The following NCAM2 variants were observed in gnomAD, a reference collection of about 807,000 sequenced individuals.
The protein encoded by NCAM2 is N-CAM-2.
A neutral mutation model predicts 98.1 loss-of-function variants in NCAM2; 30 were observed. The ratio of observed to expected loss-of-function variants is 0.31; its 90% CI spans 0.23 to 0.41. The LOEUF (loss-of-function observed/expected upper bound fraction) is 0.41. Among genes scored for constraint, NCAM2 ranks in the 10% least tolerant of loss-of-function variants. The pLI, the probability that NCAM2 is intolerant of heterozygous loss-of-function variation, is 1.00. For missense variants in NCAM2, 867 were observed against 1,005.8 expected, an observed-to-expected ratio of 0.86 and a Z score of 1.87; for synonymous variants, 368 against 342.4, an observed-to-expected ratio of 1.07 and a Z score of -0.83.
chr21:21,179,598 C>T (rs1442521018), intron 1 of NCAM2, among the ~76,000 whole-genome samples: 1 of 152,132 alleles, frequency 6.6e-6, no homozygotes, highest in Non-Finnish European at 1.5e-5. Context: ...AAGTCATCCT[C>T]GTAGTGTCAG....
At chr21:21,456,383 T>C (rs1425927979) in intron 12 of NCAM2, among the ~76,000 whole-genome samples, 2 of 152,108 alleles carry the variant, frequency 1.3e-5, no homozygotes, top group Non-Finnish European at 2.9e-5. Flanking sequence ...TTAGTGTGAT[T>C]ACAATTTGCT....
intron 1 of NCAM2, among the ~76,000 whole-genome samples, chr21:21,184,340 A>C (rs1290318289): frequency 6.6e-6 from 1 of 152,062 alleles, no homozygotes. Context: ...GAAAAAAGTA[A>C]TCTTTTTATG....
chr21:21,061,553 A>C (rs1176916208), intron 1 of NCAM2, among the ~76,000 whole-genome samples: 3 of 152,144 alleles, frequency 2.0e-5, no homozygotes, highest in Non-Finnish European at 2.9e-5. Context: ...ATATTTAATT[A>C]ATCTGTTCAG....
chr21:21,426,629 C>G (rs1250905410), intron 11 of NCAM2, among the ~76,000 whole-genome samples: 5 of 152,150 alleles, frequency 3.3e-5, no homozygotes, highest in Non-Finnish European at 7.3e-5. Flanking sequence ...AGCTAATAAT[C>G]ACAGCCACAC....
At chr21:21,397,160 G>A (rs1313982271) in intron 9 of NCAM2, among the ~76,000 whole-genome samples, 2 of 152,164 alleles carry the variant, frequency 1.3e-5, no homozygotes, top group African/African-American at 4.8e-5. Context: ...TATGGGCTCA[G>A]AGGGAGGAAG....
chr21:21,502,384 CTT>C (rs1172365848), intron 15 of NCAM2, among the ~76,000 whole-genome samples: 3 of 151,852 alleles, frequency 2.0e-5, no homozygotes, highest in Non-Finnish European at 4.4e-5. Flanking sequence ...ATATTCTTAA[CTT>C]AATTTCACTT....
chr21:21,176,451 T>C (rs1227347981), intron 1 of NCAM2, among the ~76,000 whole-genome samples: 1 of 152,152 alleles, frequency 6.6e-6, no homozygotes, highest in African/African-American at 2.4e-5. Context: ...CTTTCATATA[T>C]ATTGCTAATT....
In NCAM2 at chr21:21,043,604, T is replaced by G. The variant is rs544057999; in HGVS notation, c.55+44986T>G. Among the ~76,000 whole-genome samples the G allele has an allele frequency of 2.6e-5, 4 of 151,926 alleles. No individual in the cohort carries two copies. In the Middle Eastern group the frequency reaches 0.014, roughly 517 times the overall value. Reference sequence around the variant, plus strand: ...TGATGTTATCAAATTATGTTTTCATTTAAAAAGGAAAGTATAGGTGGGCGG... The same window carrying G: ...TGATGTTATCAAATTATGTTTTCATGTAAAAAGGAAAGTATAGGTGGGCGG... On this transcript the variant is annotated intron_variant, in intron 1 of 17. Coordinates refer to ENST00000400546, the MANE Select transcript of NCAM2 (RefSeq NM_004540.5).
At chr21:21,372,822 A>G (rs901387195) in intron 8 of NCAM2, among the ~76,000 whole-genome samples, 6 of 151,792 alleles carry the variant, frequency 4.0e-5, no homozygotes, top group African/African-American at 9.7e-5. Context: ...CATTTTTACT[A>G]ATAACATCTA....
intron 12 of NCAM2, among the ~76,000 whole-genome samples, chr21:21,452,889 T>A (rs1214765481): frequency 1.9e-5 from 2 of 103,890 alleles, no homozygotes; most frequent in East Asian, 2.7e-4. Flanking sequence ...ACATTATATA[T>A]TATATAATAT....
chr21:21,519,066 G>A (rs2826876), intron 16 of NCAM2, among the ~76,000 whole-genome samples: 52,235 of 151,896 alleles, frequency 0.34, 10,003 homozygotes, highest in East Asian at 0.61. Flanking sequence ...ACATGGGGAT[G>A]AGCTTGCTAT....
intron 1 of NCAM2, among the ~76,000 whole-genome samples, chr21:21,158,165 A>G (rs2067671833): frequency 6.6e-6 from 1 of 152,234 alleles, no homozygotes; most frequent in Non-Finnish European, 1.5e-5. Flanking sequence ...TTAAAAAGAC[A>G]GACTATGGAA....
rs5842868 is a variant in NCAM2, at chr21:21,009,883, CTGTGTGTGTGTG to C, written c.55+11289_55+11300del. Among the ~76,000 whole-genome samples, 43 of 139,736 alleles carry C rather than the reference CTGTGTGTGTGTG, an allele frequency of 3.1e-4. 1 individual carries two copies. The highest frequency in any genetic ancestry group is 3.7e-4 in the African/African-American group (14 of 37,708). The allele number at this position is 139,736 out of a possible 152,430, so 91.7% of individuals were successfully genotyped here. A position where few individuals can be genotyped will look rare whatever the true frequency, so the allele number is the denominator to read the frequency against. The stretch of plus-strand genomic sequence containing the variant: ...AAAATCCTCCTTTGGCCTCTGATAG[CTGTGTGTGTGTG>C]TGTGTGTGTGTGTGTGTGTGTGTTT... On this transcript the variant is annotated intron_variant, in intron 1 of 17. Coordinates refer to ENST00000400546, the MANE Select transcript of NCAM2 (RefSeq NM_004540.5).
intron 1 of NCAM2, among the ~76,000 whole-genome samples, chr21:21,198,700 CCCCTGCCTACT>C (rs1225765722): frequency 6.6e-6 from 1 of 152,182 alleles, no homozygotes; most frequent in Non-Finnish European, 1.5e-5. Flanking sequence ...TTCTTTAAGA[CCCCTGCCTACT>C]GTGGCTATAA....
At chr21:21,013,956 AG>A (rs1442321168) in intron 1 of NCAM2, among the ~76,000 whole-genome samples, 1 of 152,260 alleles carries the variant, frequency 6.6e-6, no homozygotes, top group Non-Finnish European at 1.5e-5. Context: ...ACTAAACAAC[AG>A]AATTTTAATA....
intron 5 of NCAM2, among the ~76,000 whole-genome samples, chr21:21,293,475 C>G (rs8131344): frequency 0.22 from 33,057 of 151,578 alleles, 3,903 homozygotes; most frequent in African/African-American, 0.3. Flanking sequence ...CCTAAGCATT[C>G]TGCCATTAGA....
intron 1 of NCAM2, among the ~76,000 whole-genome samples, chr21:21,032,249 A>T (rs1201399403): frequency 6.6e-6 from 1 of 152,198 alleles, no homozygotes; most frequent in Non-Finnish European, 1.5e-5. Flanking sequence ...TGATTATGAA[A>T]ATGGAAATAA....
At chr21:21,094,314 G>C (rs1465260172) in intron 1 of NCAM2, among the ~76,000 whole-genome samples, 2 of 151,734 alleles carry the variant, frequency 1.3e-5, no homozygotes, top group African/African-American at 4.8e-5. Flanking sequence ...AAACAACATA[G>C]AAAATACATT....
At chr21:21,066,985 A>G (rs1472294727) in intron 1 of NCAM2, among the ~76,000 whole-genome samples, 1 of 152,004 alleles carries the variant, frequency 6.6e-6, no homozygotes, top group African/African-American at 2.4e-5. Context: ...TAAATGTTAT[A>G]TTGCTACTGG....
Sources: gnomAD v4.1 joint callset for allele counts (sites outside exome capture counted in the v4.1 genomes callset) on GRCh38, gnomAD v4.1.1 for gene constraint, MANE v1.5 for transcripts, NCBI Gene and HGNC (gene_info 2026-07-23, HGNC 2026-07-21) for gene names.